Variants in CRIM1 observed in about 807,000 individuals in gnomAD.
CRIM1 encodes the protein cysteine rich transmembrane BMP regulator 1, also known as cysteine-rich motor neuron 1 protein.
Under a neutral mutation model 116.4 loss-of-function variants are expected in CRIM1, and 32 were observed. That is an observed-to-expected ratio of 0.27 (90% CI 0.21 to 0.37). CRIM1 has a LOEUF of 0.37. CRIM1 is among the 10% of genes least tolerant of loss of function. The probability of loss-of-function intolerance (pLI) is 1.00; values close to 1 mark genes in which losing one functional copy is unlikely to be tolerated. For missense variants in CRIM1, 1,331 were observed against 1,354.8 expected, an observed-to-expected ratio of 0.98 and a Z score of 0.28; for synonymous variants, 590 against 509.2, an observed-to-expected ratio of 1.16 and a Z score of -2.13.
In CRIM1 at chr2:36,424,105, G is replaced by T. The variant is rs577773630; in HGVS notation, c.506-17153G>T. ...TGTTGGGCTACAAGGAAACAAAAAT[G>T]TATGAAACTCAGGCCCAGTCCTCAT... On this transcript the variant is annotated intron_variant, in intron 2 of 16. Transcript: ENST00000280527. 2.0e-5 allele frequency among the ~76,000 whole-genome samples: 3 copies of T among 152,326 alleles called. No individual in the cohort carries two copies. In the South Asian group the frequency reaches 6.2e-4, roughly 32 times the overall value.
intron 2 of CRIM1, among the ~76,000 whole-genome samples, chr2:36,427,349 TAG>T (rs1674532844): frequency 6.6e-6 from 1 of 152,166 alleles, no homozygotes; most frequent in Non-Finnish European, 1.5e-5. Context: ...AATATAGGGA[TAG>T]AGTCTTTCAG....
intron 2 of CRIM1, among the ~76,000 whole-genome samples, chr2:36,400,473 C>T (rs904468768): frequency 6.6e-6 from 1 of 152,048 alleles, no homozygotes; most frequent in Non-Finnish European, 1.5e-5. Context: ...AGGTAAATGC[C>T]ACACCTCCGT....
intron 8 of CRIM1, among the ~76,000 whole-genome samples, chr2:36,504,273 A>G (rs546576281): frequency 6.6e-6 from 1 of 152,250 alleles, no homozygotes; most frequent in South Asian, 2.1e-4. Context: ...TTCATCTAGC[A>G]TTTGTTGAGT....
intron 2 of CRIM1, among the ~76,000 whole-genome samples, chr2:36,416,978 G>A (rs763526380): frequency 2.1e-4 from 32 of 152,146 alleles, no homozygotes; most frequent in Non-Finnish European, 4.1e-4. Context: ...GGTGTTGGAC[G>A]GGGAAGCAGA....
chr2:36,356,501 G>A lies in CRIM1; in HGVS notation c.209G>A (p.Arg70Lys), dbSNP rs144620639. The stretch of plus-strand genomic sequence containing the variant: ...TGCTGCTACACGTGCGCCAGCCAGA[G>A]GAACGAGAGCTGCGGCGGCACCTTC... ...CGCCYTCASQRNESCGGTFGI... is the reference protein window; with the variant it reads ...CGCCYTCASQKNESCGGTFGI... The change falls in exon 1 of 17, where the codon AGG becomes AAG. Residue 70 changes from arginine to lysine, a missense_variant. Arg to Lys is a conservative substitution (Grantham distance 26, BLOSUM62 2). Transcript: ENST00000280527. The surrounding 1 kb of genome is among the most constrained non-coding windows in gnomAD (Gnocchi z 4.3). 3 of 1,612,824 alleles carry A rather than the reference G, an allele frequency of 1.9e-6. No individual in the cohort carries two copies. The highest frequency in any genetic ancestry group is 2.7e-5 in the African/African-American group (2 of 74,930).
intron 1 of CRIM1, chr2:36,379,289 T>C (rs1354835276): frequency 6.6e-6 from 1 of 152,246 alleles, no homozygotes; most frequent in Non-Finnish European, 1.5e-5. Context: ...TTCATTGTTT[T>C]ATTAAAAGAC....
chr2:36,453,440 A>G (rs1401970918), intron 4 of CRIM1, among the ~76,000 whole-genome samples: 1 of 152,232 alleles, frequency 6.6e-6, no homozygotes, highest in Non-Finnish European at 1.5e-5. Flanking sequence ...AAGACATTAG[A>G]TTGTGGATTC....
intron 1 of CRIM1, among the ~76,000 whole-genome samples, chr2:36,385,313 A>C (rs1671093924): frequency 6.6e-6 from 1 of 152,232 alleles, no homozygotes; most frequent in Non-Finnish European, 1.5e-5. Context: ...ATTCCTTGCA[A>C]AAATGATTGC....
intron 10 of CRIM1, among the ~76,000 whole-genome samples, chr2:36,512,600 A>G (rs936096760): frequency 6.6e-6 from 1 of 152,202 alleles, no homozygotes; most frequent in Non-Finnish European, 1.5e-5. Context: ...AAGTAAGTAT[A>G]TGATGGACAA....
At chr2:36,478,780 G>C (rs1679181762) in intron 6 of CRIM1, among the ~76,000 whole-genome samples, 1 of 152,134 alleles carries the variant, frequency 6.6e-6, no homozygotes, top group African/African-American at 2.4e-5. Context: ...GCTCTCAATA[G>C]AGGGATAAGA....
intron 2 of CRIM1, among the ~76,000 whole-genome samples, chr2:36,412,329 G>T (rs948716465): frequency 6.6e-6 from 1 of 152,070 alleles, no homozygotes; most frequent in Non-Finnish European, 1.5e-5. Context: ...GGTAAAGATC[G>T]ACATAGAATG....
At chr2:36,434,587 C>T (rs1028502120) in intron 2 of CRIM1, among the ~76,000 whole-genome samples, 4 of 152,144 alleles carry the variant, frequency 2.6e-5, no homozygotes, top group Non-Finnish European at 5.9e-5. Flanking sequence ...AGTACAAAGG[C>T]GTGTGAGAAT....
intron 1 of CRIM1, among the ~76,000 whole-genome samples, chr2:36,360,749 A>G (rs954802334): frequency 1.9e-4 from 29 of 152,132 alleles, no homozygotes; most frequent in African/African-American, 6.8e-4. Context: ...CCGCATGGAA[A>G]CTACTCTCAC....
chr2:36,415,867 G>A (rs1027573828), intron 2 of CRIM1, among the ~76,000 whole-genome samples: 2 of 152,198 alleles, frequency 1.3e-5, no homozygotes, highest in African/African-American at 4.8e-5. Context: ...CAGGGACGGT[G>A]CCTGGCATCT....
intron 1 of CRIM1, among the ~76,000 whole-genome samples, chr2:36,376,658 C>A (rs1250398233): frequency 1.6e-4 from 24 of 152,178 alleles, no homozygotes; most frequent in Admixed American, 1.6e-3. Context: ...CACGCTTTTA[C>A]CTCTGGAGTT....
rs34148376 is a variant in CRIM1, at chr2:36,550,066, TGC to T, written c.*1372_*1373del. 1.0e-4 allele frequency: 15 copies of T among 149,774 alleles called. No homozygotes were observed. The highest frequency in any genetic ancestry group is 2.0e-4 in the East Asian group (1 of 5,086). 9.3% of individuals were successfully genotyped at this position (149,774 alleles called of 1,614,324 possible). A position where few individuals can be genotyped will look rare whatever the true frequency, so the allele number is the denominator to read the frequency against. On this transcript the variant is annotated 3_prime_UTR_variant, in exon 17 of 17. Coordinates refer to ENST00000280527, the MANE Select transcript of CRIM1 (RefSeq NM_016441.3). ...ATGTGTGTGTGTGTGTGTGTGTGTG[TGC>T]GCGCGCACGCACGCCTTGAGCAGTC...
In CRIM1 at chr2:36,394,524, T is replaced by C. The variant is rs533291136; in HGVS notation, c.332-2090T>C. 2.6e-5 allele frequency among the ~76,000 whole-genome samples: 4 copies of C among 152,222 alleles called. No individual in the cohort carries two copies. The South Asian group carries it at 8.3e-4, about 32-fold the overall frequency. ...TGATTTTCCTTTCAGAGTACTTTAC[T>C]AATTTCATTGTTGTCTTGAAGATAG... On this transcript the variant is annotated intron_variant, in intron 1 of 16. Coordinates refer to ENST00000280527, the MANE Select transcript of CRIM1 (RefSeq NM_016441.3).
chr2:36,356,940 G>A lies in CRIM1; in HGVS notation c.331+317G>A, dbSNP rs1668860966. Among the ~76,000 whole-genome samples the A allele has an allele frequency of 6.6e-6, 1 of 152,112 alleles. No homozygotes were observed. The highest frequency in any genetic ancestry group is 6.5e-5 in the Admixed American group (1 of 15,286). ...ACTGGGTGGCCCGGCCTTGCTCCCC[G>A]AGGTGGGGGCGCCGCGGGCGGGGGG... On this transcript the variant is annotated intron_variant, in intron 1 of 16. Transcript: ENST00000280527. This position sits in a 1 kb window ranked among gnomAD's most constrained non-coding sequence, Gnocchi z 4.3.
Position 36,480,847 on chromosome 2 carries a change from A to G in CRIM1, c.1372+1153A>G, listed in dbSNP as rs983879256. Reference sequence around the variant, plus strand: ...TTTTGTGGAAGTCACCCACCCCTGCATGTATATATACTCCTCCCATTCCCT... The same window carrying G: ...TTTTGTGGAAGTCACCCACCCCTGCGTGTATATATACTCCTCCCATTCCCT... On this transcript the variant is annotated intron_variant, in intron 7 of 16. Coordinates refer to ENST00000280527, the MANE Select transcript of CRIM1 (RefSeq NM_016441.3). Among the ~76,000 whole-genome samples the G allele has an allele frequency of 9.9e-5, 15 of 152,232 alleles. No individual in the cohort carries two copies. The East Asian group carries it at 2.7e-3, about 27-fold the overall frequency.
Sources: allele counts gnomAD v4.1 joint callset (sites outside exome capture counted in the v4.1 genomes callset), GRCh38; gene constraint gnomAD v4.1.1; non-coding constraint Gnocchi (gnomAD v3.1); transcripts MANE v1.5; gene names NCBI Gene and HGNC (gene_info 2026-07-23, HGNC 2026-07-21).